Variants in TERT observed in about 807,000 individuals in gnomAD.
TERT encodes the protein telomerase reverse transcriptase.
In TERT, 42 loss-of-function variants were observed where a neutral mutation model predicts 104.0. The observed-to-expected ratio is 0.40, with a 90% CI of 0.32 to 0.52. TERT has a LOEUF of 0.52. Ranked by LOEUF, TERT falls within the 20% of genes least tolerant of loss-of-function variation. The pLI, the probability that TERT is intolerant of heterozygous loss-of-function variation, is 0.43. For synonymous variants in TERT, 781 were observed against 725.6 expected, an observed-to-expected ratio of 1.08 and a Z score of -1.23; for missense variants, 1,101 against 1,610.3, an observed-to-expected ratio of 0.68 and a Z score of 5.41.
chr5:1,266,541 A>G lies in TERT; in HGVS notation c.2583-6T>C. On this transcript the variant is annotated splice_region_variant and splice_polypyrimidine_tract_variant and intron_variant, in intron 9 of 15. Transcript: ENST00000310581. ...CCACCAAACGCAGGAGCAGCCTAAA[A>G]TAAGGGAAAATACACAGCAAGGTTA... 6.2e-7 allele frequency: 1 copy of G among 1,604,202 alleles called. No homozygotes were observed. Among genetic ancestry groups the G allele is most frequent in the South Asian group, 1.1e-5 (1 of 88,654 alleles).
chr5:1,272,315 T>C (rs1332750430), intron 6 of TERT, 35 bp from the exon 7 acceptor site: 1 of 1,566,322 alleles, frequency 6.4e-7, no homozygotes, highest in African/African-American at 1.4e-5. Flanking sequence ...GCCACAAATG[T>C]GGCCTGCCCC....
rs377273382 is a variant in TERT at position 1,278,006 on chromosome 5, G to A, written c.2286+635C>T. On this transcript the variant is annotated intron_variant, in intron 6 of 15. Transcript: ENST00000310581. ...CTGGGAGGAGTGTGTCCCGGGGAGC[G>A]AGGCCTGAATCAGCCTTCCTATATC... Among the ~76,000 whole-genome samples the A allele has an allele frequency of 7.1e-4, 108 of 152,328 alleles. 1 individual carries two copies. In the South Asian group the frequency reaches 0.02, roughly 28 times the overall value.
At position 1,272,211 on chromosome 5, in the gene TERT, G is replaced by A. The variant is rs1488050310; in HGVS notation, c.2356C>T (p.Leu786=). Residue 786 remains leucine, a synonymous_variant, in exon 7 of 16, where the codon CTG becomes TTG. Transcript: ENST00000310581. The stretch of plus-strand genomic sequence containing the variant: ...TGCTCGATGACGACGGCATCCCTCA[G>A]CGGGCTGGTCTCCTGCAGGTGAGCC... ...FVAHLQETSP[L]RDAVVIEQSS... is the part of the protein sequence containing the mutation. 2 of 1,612,734 alleles carry A rather than the reference G, an allele frequency of 1.2e-6. No homozygotes were observed. The highest frequency in any genetic ancestry group is 3.3e-4 in the Middle Eastern group (2 of 6,062).
rs2126611876 is a variant in TERT, at chr5:1,270,413, C to T, written c.2468+706G>A. Among the ~76,000 whole-genome samples, 1 of 152,316 alleles carries T rather than the reference C, an allele frequency of 6.6e-6. No individual in the cohort carries two copies. The highest frequency in any genetic ancestry group is 2.4e-5 in the African/African-American group (1 of 41,578). On this transcript the variant is annotated intron_variant, in intron 8 of 15. Coordinates refer to ENST00000310581, the MANE Select transcript of TERT (RefSeq NM_198253.3). The surrounding 1 kb of genome is among the most constrained non-coding windows in gnomAD (Gnocchi z 8.3). ...GAATTTCCTCCGTGCTACCACTCTC[C>T]CCAGGCACACACAGGGTCGCAGGCA...
intron 12 of TERT, among the ~76,000 whole-genome samples, chr5:1,258,984 A>G (rs1747963703): frequency 6.6e-6 from 1 of 150,674 alleles, no homozygotes; most frequent in Non-Finnish European, 1.5e-5. Context: ...GCGGATGCCC[A>G]CAGGAGAGAG....
At chr5:1,285,856 C>T (rs1750446865) in intron 2 of TERT, among the ~76,000 whole-genome samples, 2 of 152,056 alleles carry the variant, frequency 1.3e-5, no homozygotes, top group South Asian at 4.1e-4. Flanking sequence ...GCGTGAGCCA[C>T]CGCGCCCAGC....
rs1406699298 is a variant in TERT, at chr5:1,262,828, G to C, written c.2843+1576C>G. On this transcript the variant is annotated intron_variant, in intron 11 of 15. Transcript: ENST00000310581. The surrounding 1 kb of genome is among the most constrained non-coding windows in gnomAD (Gnocchi z 5.6). ...CCTGTCCTAAAAAATACATTTCATGGGGAGCAAAATAAGCAGTGGACAGTT... is the reference window on the plus strand; with the variant it reads ...CCTGTCCTAAAAAATACATTTCATGCGGAGCAAAATAAGCAGTGGACAGTT... Among the ~76,000 whole-genome samples, 1 of 152,226 alleles carries C rather than the reference G, an allele frequency of 6.6e-6. No individual in the cohort carries two copies. The highest frequency in any genetic ancestry group is 2.4e-5 in the African/African-American group (1 of 41,452).
chr5:1,253,915 C>T (rs1037560118), intron 15 of TERT, 84 bp from the exon 16 acceptor site: 11 of 1,429,020 alleles, frequency 7.7e-6, no homozygotes, highest in African/African-American at 2.8e-5. Flanking sequence ...GGTGGCCGGG[C>T]AGGCAGGGCC....
At position 1,278,636 on chromosome 5, in the gene TERT, C is replaced by A; in HGVS notation, c.2286+5G>T. The A allele has an allele frequency of 6.2e-7, 1 of 1,613,896 alleles. No individual in the cohort carries two copies. The highest frequency in any genetic ancestry group is 8.5e-7 in the Non-Finnish European group (1 of 1,180,048). On this transcript the variant is annotated splice_donor_5th_base_variant and intron_variant, in intron 6 of 15. Coordinates refer to ENST00000310581, the MANE Select transcript of TERT (RefSeq NM_198253.3). The stretch of plus-strand genomic sequence containing the variant: ...CTGGACACGACTATCACACGTGAAC[C>A]TTACGTGGCTCTTGAAGGCCTTGCG...
chr5:1,258,560 C>T (rs746511287), intron 13 of TERT, 38 bp downstream of exon 13: 2 of 1,550,344 alleles, frequency 1.3e-6, no homozygotes, highest in Non-Finnish European at 1.7e-6. Flanking sequence ...GCGGAGGGTC[C>T]CTGGAGGCTG....
At chr5:1,258,530 G>T in intron 13 of TERT, 68 bp downstream of exon 13, 13 of 1,423,506 alleles carry the variant, frequency 9.1e-6, no homozygotes, top group Non-Finnish European at 1.3e-5. Flanking sequence ...GTGAAGCCCC[G>T]GGTCAGAGGT....
In TERT at chr5:1,291,972, T is replaced by A. The variant is rs146998831; in HGVS notation, c.1573+1341A>T. ...TGAGCCGCAGCAGGTGTGAGGCAGCTGCCGTTCGATGGGTAGGGACTTCCA... is the reference window on the plus strand; with the variant it reads ...TGAGCCGCAGCAGGTGTGAGGCAGCAGCCGTTCGATGGGTAGGGACTTCCA... On this transcript the variant is annotated intron_variant, in intron 2 of 15. Coordinates refer to ENST00000310581, the MANE Select transcript of TERT (RefSeq NM_198253.3). Among the ~76,000 whole-genome samples, 26 of 152,324 alleles carry A rather than the reference T, an allele frequency of 1.7e-4. No individual in the cohort carries two copies. The East Asian group carries it at 5.0e-3, about 29-fold the overall frequency.
In TERT at chr5:1,257,032, C is replaced by T. The variant is rs1017878160; in HGVS notation, c.3032+1566G>A. 6.6e-6 allele frequency among the ~76,000 whole-genome samples: 1 copy of T among 152,162 alleles called. No individual in the cohort carries two copies. The highest frequency in any genetic ancestry group is 2.4e-5 in the African/African-American group (1 of 41,458). The stretch of plus-strand genomic sequence containing the variant: ...GCTCTCCGTTCTCCCACTCCTGCCT[C>T]GAGGGAAGGGGATTCCTGGGCCTTC... On this transcript the variant is annotated intron_variant, in intron 13 of 15. Transcript: ENST00000310581. This position sits in a 1 kb window ranked among gnomAD's most constrained non-coding sequence, Gnocchi z 5.6.
rs1295347738 is a variant in TERT at position 1,279,395 on chromosome 5, G to A, written c.2026C>T (p.Leu676=). 2 of 1,556,590 alleles carry A rather than the reference G, an allele frequency of 1.3e-6. No homozygotes were observed. Among genetic ancestry groups the A allele is most frequent in the South Asian group, 1.2e-5 (1 of 84,472 alleles). The change falls in exon 5 of 16, where the codon CTG becomes TTG. Residue 676 remains leucine (L), a synonymous_variant. Transcript: ENST00000310581. ...TCCAGGCCCAGCACAGAGGCGCCCA[G>A]GAGGCCGGGGCGCCGCGCCCGCTCG... ...NYERARRPGL[L]GASVLGLDDI...
intron 14 of TERT, among the ~76,000 whole-genome samples, chr5:1,254,952 G>A (rs1296818216): frequency 6.6e-6 from 1 of 152,144 alleles, no homozygotes; most frequent in Non-Finnish European, 1.5e-5. Flanking sequence ...GCCATGGACG[G>A]GAGACAGCCC....
Position 1,268,530 on chromosome 5 carries a change from G to A in TERT, c.2572C>T (p.Arg858Trp), listed in dbSNP as rs1322978833. Residue 858 changes from arginine (R) to tryptophan (W), a missense_variant, in exon 9 of 16, where the codon CGG becomes TGG. By Grantham distance (101) the Arg-to-Trp change is moderately radical. Around this residue, in one of 5 missense-constraint regions of TERT, gnomAD observed 463 missense variants for 797.5 expected, o/e 0.58. Transcript: ENST00000310581. This position sits in a 1 kb window ranked among gnomAD's most constrained non-coding sequence, Gnocchi z 5.5. ...AAGAGGAGGCCTCACCCGTCCCGCC[G>A]AATCCCCGCAAACAGCTTGTTCTCC... ...DMENKLFAGI[R>W]RDGLLLRLVD... The A allele has an allele frequency of 1.9e-6, 3 of 1,613,282 alleles. No individual in the cohort carries two copies. The highest frequency in any genetic ancestry group is 2.5e-6 in the Non-Finnish European group (3 of 1,179,938).
intron 2 of TERT, among the ~76,000 whole-genome samples, chr5:1,284,355 CCA>C (rs1182436015): frequency 2.1e-5 from 3 of 139,994 alleles, no homozygotes; most frequent in Admixed American, 7.1e-5. Flanking sequence ...CATCCGGACT[CCA>C]TACCTCCAGC....
chr5:1,278,573 T>G, intron 6 of TERT, 68 bp downstream of exon 6: 1 of 1,605,990 alleles, frequency 6.2e-7, no homozygotes, highest in Non-Finnish European at 8.5e-7. Context: ...CAGACACGAC[T>G]GCATTCTAGA....
chr5:1,259,130 G>C (rs1342488753), intron 12 of TERT, among the ~76,000 whole-genome samples: 2 of 139,538 alleles, frequency 1.4e-5, no homozygotes, highest in Admixed American at 1.4e-4. Context: ...GAGAGGGAGT[G>C]GATGCAGATG....
Sources: allele counts gnomAD v4.1 joint callset (sites outside exome capture counted in the v4.1 genomes callset), GRCh38; gene constraint gnomAD v4.1.1; regional missense constraint gnomAD v4.1.1; non-coding constraint Gnocchi (gnomAD v3.1); transcripts MANE v1.5; gene names NCBI Gene and HGNC (gene_info 2026-07-23, HGNC 2026-07-21).